The following FSTL4 variants were observed in gnomAD, a reference collection of about 807,000 sequenced individuals.
The protein encoded by FSTL4 is follistatin like 4.
FSTL4 carries 28 observed loss-of-function variants against 78.2 expected under a neutral mutation model. That is an observed-to-expected ratio of 0.36 (90% CI 0.27 to 0.49). The LOEUF (loss-of-function observed/expected upper bound fraction) is 0.49. Among genes scored for constraint, FSTL4 ranks in the 20% least tolerant of loss-of-function variants. FSTL4 has a pLI of 0.98. For missense variants in FSTL4, 922 were observed against 1,084.9 expected (o/e 0.85, Z 2.11); for synonymous variants, 422 against 440.5 (o/e 0.96, Z 0.53).
At chr5:133,784,170 T>C in the FSTL4 span, among the ~76,000 whole-genome samples, 3 of 151,978 alleles carry the variant, frequency 2.0e-5, no homozygotes, top group Non-Finnish European at 4.4e-5. Context: ...TTGTCATTAA[T>C]GATAGTAGTA....
In FSTL4 at chr5:133,372,265, G is replaced by GTATC. The variant is rs774609881; in HGVS notation, c.409+28472_409+28473insGATA. Among the ~76,000 whole-genome samples the GTATC allele has an allele frequency of 6.5e-3, 928 of 142,074 alleles. 2 individuals are homozygous for GTATC. Among genetic ancestry groups the GTATC allele is most frequent in the Non-Finnish European group, 9.1e-3 (595 of 65,094 alleles). The allele number at this position is 142,074 out of a possible 152,430, so 93.2% of individuals were successfully genotyped here. A position where few individuals can be genotyped will look rare whatever the true frequency, so the allele number is the denominator to read the frequency against. On this transcript the variant is annotated intron_variant, in intron 4 of 15. Transcript: ENST00000265342. ...TGTATCTATGTATGTATGTATGTAT[G>GTATC]TATGTATCTATCTATCTATCTATTT... is the stretch of plus-strand genomic sequence containing the variant.
chr5:133,686,724 A>T, the FSTL4 span, among the ~76,000 whole-genome samples: 22 of 152,262 alleles, frequency 1.4e-4, no homozygotes, highest in Admixed American at 8.5e-4. Flanking sequence ...ATTCAGAGTT[A>T]CAAGGATAGA....
chr5:133,686,901 C>G, the FSTL4 span, among the ~76,000 whole-genome samples: 5 of 152,302 alleles, frequency 3.3e-5, no homozygotes, highest in Non-Finnish European at 7.3e-5. Flanking sequence ...GTGTGGGGAG[C>G]AGCCAGGCAT....
At chr5:133,275,700 C>G (rs892696425) in intron 6 of FSTL4, 2 of 152,144 alleles carry the variant, frequency 1.3e-5, no homozygotes, top group Non-Finnish European at 2.9e-5. Context: ...TGGTTTAATT[C>G]TCGTAACAAA....
At chr5:133,666,470 C>T in the FSTL4 span, among the ~76,000 whole-genome samples, 1 of 152,064 alleles carries the variant, frequency 6.6e-6, no homozygotes, top group African/African-American at 2.4e-5. Flanking sequence ...ATATTTTGCC[C>T]TTAGAAACTG....
intron 4 of FSTL4, among the ~76,000 whole-genome samples, chr5:133,362,599 T>G (rs768425612): frequency 6.6e-6 from 1 of 152,274 alleles, no homozygotes; most frequent in African/African-American, 2.4e-5. Context: ...ATTTCTCTGA[T>G]AGGTCTGGGG....
At chr5:133,202,106 C>CAGG in intron 14 of FSTL4, 64 bp from the exon 15 acceptor site, 1 of 1,042,934 alleles carries the variant, frequency 9.6e-7, no homozygotes, top group Non-Finnish European at 1.4e-6. Context: ...CTGGAGACAC[C>CAGG]TGTACGCTCA....
intron 7 of FSTL4, 124 bp from the exon 8 acceptor site, chr5:133,233,661 C>A: frequency 8.2e-7 from 1 of 1,224,896 alleles, no homozygotes; most frequent in East Asian, 2.5e-5. Flanking sequence ...CTGGCCCTTG[C>A]TCAGCCAGAG....
the FSTL4 span, among the ~76,000 whole-genome samples, chr5:133,780,447 G>A: frequency 8.0e-6 from 1 of 124,240 alleles, no homozygotes; most frequent in Non-Finnish European, 1.6e-5. Flanking sequence ...TTATCTTCAT[G>A]GCCCAAACTC....
the FSTL4 span, among the ~76,000 whole-genome samples, chr5:133,708,847 G>T: frequency 6.6e-6 from 1 of 152,144 alleles, no homozygotes; most frequent in Admixed American, 6.5e-5. Flanking sequence ...AAACATAGCT[G>T]GCCTTAATTT....
chr5:133,691,189 G>C, the FSTL4 span, among the ~76,000 whole-genome samples: 1 of 152,146 alleles, frequency 6.6e-6, no homozygotes, highest in African/African-American at 2.4e-5. Context: ...GAAAAATGCA[G>C]TACTTTTCTA....
At chr5:133,366,965 AT>A (rs1755193888) in intron 4 of FSTL4, among the ~76,000 whole-genome samples, 1 of 152,218 alleles carries the variant, frequency 6.6e-6, no homozygotes, top group East Asian at 1.9e-4. Context: ...TTAAATGAAT[AT>A]TTAAATGTAT....
the FSTL4 span, among the ~76,000 whole-genome samples, chr5:133,801,452 G>C: frequency 6.6e-6 from 1 of 152,100 alleles, no homozygotes; most frequent in African/African-American, 2.4e-5. Context: ...CCATCCATGA[G>C]ACCAGTTGGC....
chr5:133,330,215 T>C (rs1014801900), intron 4 of FSTL4, among the ~76,000 whole-genome samples: 1 of 152,226 alleles, frequency 6.6e-6, no homozygotes, highest in African/African-American at 2.4e-5. Context: ...TTCCTGCATT[T>C]CTCCTTTTTA....
intron 6 of FSTL4, among the ~76,000 whole-genome samples, chr5:133,297,346 G>C (rs1240201147): frequency 6.6e-6 from 1 of 152,180 alleles, no homozygotes; most frequent in Non-Finnish European, 1.5e-5. Flanking sequence ...GGGCAGAGGA[G>C]GGTGCTCCCA....
At chr5:133,476,583 T>A (rs954530503) in intron 3 of FSTL4, among the ~76,000 whole-genome samples, 5 of 152,202 alleles carry the variant, frequency 3.3e-5, no homozygotes, top group African/African-American at 1.2e-4. Context: ...GTTCTGTGAA[T>A]TTTTTATAGC....
intron 8 of FSTL4, among the ~76,000 whole-genome samples, chr5:133,232,224 T>C (rs1334118656): frequency 6.6e-6 from 1 of 152,104 alleles, no homozygotes; most frequent in Non-Finnish European, 1.5e-5. Flanking sequence ...TACTAATAAT[T>C]TGAGAGAGGA....
chr5:133,832,313 T>G, the FSTL4 span, among the ~76,000 whole-genome samples: 2 of 152,376 alleles, frequency 1.3e-5, no homozygotes, highest in East Asian at 3.9e-4. Flanking sequence ...AATGTCCCCT[T>G]GTACTCAGGA....
the FSTL4 span, among the ~76,000 whole-genome samples, chr5:133,691,403 AC>A: frequency 1.2e-4 from 19 of 152,104 alleles, no homozygotes; most frequent in African/African-American, 4.3e-4. Context: ...TGGATGCCCC[AC>A]CCAGCTGGCA....
Sources: gnomAD v4.1 joint callset for allele counts (sites outside exome capture counted in the v4.1 genomes callset) on GRCh38, gnomAD v4.1.1 for gene constraint, MANE v1.5 for transcripts, NCBI Gene and HGNC (gene_info 2026-07-23, HGNC 2026-07-21) for gene names.